Variants in PIEZO1 observed in about 807,000 individuals in gnomAD.
The protein encoded by PIEZO1 is piezo type mechanosensitive ion channel component 1 (Er blood group).
Under a neutral mutation model 297.2 loss-of-function variants are expected in PIEZO1, and 296 were observed. That is an observed-to-expected ratio of 1.00 (90% CI 0.91 to 1.10). PIEZO1 has a LOEUF of 1.10. PIEZO1 is among the 50% of genes least tolerant of loss of function. PIEZO1 has a pLI of 0.00. For synonymous variants in PIEZO1, 2,427 were observed against 1,507.5 expected (o/e 1.61, Z -14.13); for missense variants, 5,018 against 3,455.5 (o/e 1.45, Z -11.34).
At chr16:88,779,787 C>T (rs1483019450) in intron 1 of PIEZO1, among the ~76,000 whole-genome samples, 2 of 152,220 alleles carry the variant, frequency 1.3e-5, no homozygotes, top group Admixed American at 6.5e-5. Flanking sequence ...GGCCCCTTCC[C>T]CTCAGCTCCA....
chr16:88,720,923 G>A (rs969777195), intron 39 of PIEZO1, among the ~76,000 whole-genome samples, 175 bp from the exon 40 acceptor site: 4 of 152,194 alleles, frequency 2.6e-5, no homozygotes, highest in Admixed American at 2.6e-4. Flanking sequence ...CTCTGTCTGG[G>A]GCAACTGTGA....
chr16:88,723,087 C>G lies in PIEZO1; in HGVS notation c.4495+8G>C. 1.3e-6 allele frequency: 2 copies of G among 1,547,498 alleles called. No homozygotes were observed. Among genetic ancestry groups the G allele is most frequent in the Non-Finnish European group, 1.7e-6 (2 of 1,146,580 alleles). On this transcript the variant is annotated splice_region_variant and intron_variant, in intron 33 of 50. Transcript: ENST00000301015. ...GACCTCCCACTCCCCAGCCCCGGGC[C>G]CACGTACCTGCCGCTGCCTCCTCGG...
chr16:88,781,035 A>C (rs926472175), intron 1 of PIEZO1, among the ~76,000 whole-genome samples: 1 of 152,214 alleles, frequency 6.6e-6, no homozygotes, highest in African/African-American at 2.4e-5. Context: ...TGAATTGAAA[A>C]GGGGATTTCT....
chr16:88,718,113 T>C (rs1407812384), intron 44 of PIEZO1: 2 of 197,030 alleles, frequency 1.0e-5, no homozygotes, highest in Non-Finnish European at 2.1e-5. Flanking sequence ...GAATAGACAT[T>C]TCCCCAGAGA....
chr16:88,743,640 G>A (rs533896502), intron 2 of PIEZO1: 151 of 456,556 alleles, frequency 3.3e-4, no homozygotes, highest in African/African-American at 2.8e-3. Flanking sequence ...ATTGGCCTTG[G>A]ACACTCAGCC....
chr16:88,734,488 C>A lies in PIEZO1; in HGVS notation c.2048G>T (p.Ser683Ile). ...EQFSVSELFS[S>I]ILVPGFFLLA... ...GAGGAAGAAGCCGGGCACCAGGATG[C>A]TGGAGAAGAGCTCGGACACGCTGAA... is the stretch of plus-strand genomic sequence containing the variant. Residue 683 changes from serine (S) to isoleucine (I), a missense_variant, in exon 16 of 51, where the codon AGC becomes ATC. Physicochemically the swap from Ser to Ile is moderately radical, Grantham distance 142. Transcript: ENST00000301015. The A allele has an allele frequency of 6.5e-7, 1 of 1,549,164 alleles. No individual in the cohort carries two copies. Among genetic ancestry groups the A allele is most frequent in the Non-Finnish European group, 8.7e-7 (1 of 1,146,356 alleles).
chr16:88,724,963 A>G (rs1239818173), intron 30 of PIEZO1, 46 bp downstream of exon 30: 2 of 1,222,672 alleles, frequency 1.6e-6, no homozygotes, highest in Admixed American at 6.5e-5. Context: ...AGATGGGGGC[A>G]CAGAGGGCCT....
At chr16:88,766,308 G>A (rs772824708) in intron 1 of PIEZO1, among the ~76,000 whole-genome samples, 5 of 152,170 alleles carry the variant, frequency 3.3e-5, no homozygotes, top group African/African-American at 9.7e-5. Context: ...AGAGAAGCCC[G>A]GCCTGAGCGC....
chr16:88,726,635 G>A lies in PIEZO1; in HGVS notation c.3708C>T (p.Ala1236=), dbSNP rs886853240. Residue 1236 remains alanine (A), a synonymous_variant, in exon 26 of 51, where the codon GCC becomes GCT. Coordinates refer to ENST00000301015, the MANE Select transcript of PIEZO1 (RefSeq NM_001142864.4). ...IISKNMLSLL[A]CVFVEQMQTG... ...TCTGCATCTGCTCCACGAAGACGCA[G>A]GCCAGGAGCTGGGGGAGAGCAGGGT... 7.7e-6 allele frequency: 12 copies of A among 1,549,412 alleles called. No homozygotes were observed. The African/African-American group carries it at 1.5e-4, about 19-fold the overall frequency.
intron 19 of PIEZO1, 105 bp downstream of exon 19, chr16:88,733,173 C>G (rs1378316830): frequency 1.9e-6 from 2 of 1,076,890 alleles, no homozygotes; most frequent in East Asian, 2.6e-5. Flanking sequence ...TCCTCCATCT[C>G]CATTGCTGGC....
In PIEZO1 at chr16:88,717,188, C is replaced by T. The variant is rs1351614864; in HGVS notation, c.6495G>A (p.Gln2165=). Residue 2165 remains glutamine, a synonymous_variant, in exon 45 of 51, where the codon CAG becomes CAA. Coordinates refer to ENST00000301015, the MANE Select transcript of PIEZO1 (RefSeq NM_001142864.4). Reference sequence around the variant, plus strand: ...CGTACTTGACGATCTTCTTCTTCTTCTGCCCTTTGGGCTGCGGGTATTTCT... The same window carrying T: ...CGTACTTGACGATCTTCTTCTTCTTTTGCCCTTTGGGCTGCGGGTATTTCT... ...TEKKYPQPKG[Q]KKKKIVKYGM... is the part of the protein sequence containing the mutation. 4 of 1,550,124 alleles carry T rather than the reference C, an allele frequency of 2.6e-6. No homozygotes were observed. Among genetic ancestry groups the T allele is most frequent in the East Asian group, 2.4e-5 (1 of 40,928 alleles).
chr16:88,745,526 T>A (rs1157586958), intron 2 of PIEZO1: 1 of 151,992 alleles, frequency 6.6e-6, no homozygotes, highest in East Asian at 1.9e-4. Context: ...GTGGATCACC[T>A]CAGGTCAGGA....
At chr16:88,718,875 CGTTT>C (rs1912232195) in intron 44 of PIEZO1, 1 of 151,320 alleles carries the variant, frequency 6.6e-6, no homozygotes, top group Non-Finnish European at 1.5e-5. Context: ...ACCCAGCTAA[CGTTT>C]ATTTTTTTGT....
At chr16:88,750,571 T>C (rs1340177071) in intron 1 of PIEZO1, among the ~76,000 whole-genome samples, 1 of 152,126 alleles carries the variant, frequency 6.6e-6, no homozygotes, top group Admixed American at 6.5e-5. Context: ...CCTGCATCAG[T>C]CCCAACCACA....
At chr16:88,765,986 T>C (rs1428774471) in intron 1 of PIEZO1, among the ~76,000 whole-genome samples, 1 of 152,128 alleles carries the variant, frequency 6.6e-6, no homozygotes, top group African/African-American at 2.4e-5. Context: ...ATCTCCATTC[T>C]GAACAGGGTG....
chr16:88,761,909 A>G (rs1292818503), intron 1 of PIEZO1, among the ~76,000 whole-genome samples: 2 of 152,200 alleles, frequency 1.3e-5, no homozygotes, highest in Non-Finnish European at 2.9e-5. Flanking sequence ...GACAGATTCC[A>G]GGGCATGGGT....
chr16:88,742,233 G>T lies in PIEZO1; in HGVS notation c.283+67C>A, dbSNP rs1905727260. 3 of 1,504,248 alleles carry T rather than the reference G, an allele frequency of 2.0e-6. No homozygotes were observed. The Admixed American group carries it at 6.2e-5, about 31-fold the overall frequency. The allele number at this position is 1,504,248 out of a possible 1,614,324, so 93.2% of individuals were successfully genotyped here. Reference sequence around the variant, plus strand: ...AGTCAACCCCCCCAGGAGACTCGGGGTCACTGCAGGGCCCTCTCCCTGACC... The same window carrying T: ...AGTCAACCCCCCCAGGAGACTCGGGTTCACTGCAGGGCCCTCTCCCTGACC... On this transcript the variant is annotated intron_variant, in intron 3 of 50. Transcript: ENST00000301015.
In PIEZO1 at chr16:88,721,604, A is replaced by G; in HGVS notation, c.5337T>C (p.Thr1779=). The G allele has an allele frequency of 1.3e-6, 2 of 1,550,268 alleles. No individual in the cohort carries two copies. Among genetic ancestry groups the G allele is most frequent in the African/African-American group, 1.4e-5 (1 of 73,164 alleles). ...FPPRILGLEK[T]DGYIKYDLVQ... is the part of the protein sequence containing the mutation. Reference sequence around the variant, plus strand: ...CCAGGTCGTACTTGATGTAGCCGTCAGTCTTCTCCAGGCCCAGGATGCGGG... The same window carrying G: ...CCAGGTCGTACTTGATGTAGCCGTCGGTCTTCTCCAGGCCCAGGATGCGGG... Residue 1779 remains threonine, a synonymous_variant, in exon 38 of 51, where the codon ACT becomes ACC. Coordinates refer to ENST00000301015, the MANE Select transcript of PIEZO1 (RefSeq NM_001142864.4).
At chr16:88,760,150 G>A (rs944465481) in intron 1 of PIEZO1, among the ~76,000 whole-genome samples, 5 of 148,768 alleles carry the variant, frequency 3.4e-5, no homozygotes, top group East Asian at 2.0e-4. Context: ...GGACCTCGCC[G>A]GCGGGGCCTC....
Sources: gnomAD v4.1 joint callset for allele counts (sites outside exome capture counted in the v4.1 genomes callset) on GRCh38, gnomAD v4.1.1 for gene constraint, MANE v1.5 for transcripts, NCBI Gene and HGNC (gene_info 2026-07-23, HGNC 2026-07-21) for gene names.